Variants in TYRO3 observed in about 807,000 individuals in gnomAD.
The protein encoded by TYRO3 is tyrosine-protein kinase receptor TYRO3.
Under a neutral mutation model 95.2 loss-of-function variants are expected in TYRO3, and 38 were observed. The ratio of observed to expected loss-of-function variants is 0.40; its 90% confidence interval spans 0.31 to 0.52. The LOEUF (loss-of-function observed/expected upper bound fraction) is 0.52. Ranked by LOEUF, TYRO3 falls within the 20% of genes least tolerant of loss-of-function variation. The probability of loss-of-function intolerance (pLI) is 0.56; values close to 1 mark genes in which losing one functional copy is unlikely to be tolerated. For missense variants in TYRO3, 812 were observed against 1,116.4 expected, an observed-to-expected ratio of 0.73 and a Z score of 3.89; for synonymous variants, 367 against 432.9, an observed-to-expected ratio of 0.85 and a Z score of 1.89.
rs1269257045 is a variant in TYRO3, at chr15:41,579,714, G to T, written c.*1438G>T. Reference sequence around the variant, plus strand: ...CAAAGATGAAAGATTTTTATAGAGAGAAAAGTCTGGAAAGACATATGCCAA... The same window carrying T: ...CAAAGATGAAAGATTTTTATAGAGATAAAAGTCTGGAAAGACATATGCCAA... On this transcript the variant is annotated 3_prime_UTR_variant, in exon 19 of 19. Transcript: ENST00000263798. The T allele has an allele frequency of 2.0e-5, 3 of 149,852 alleles. No homozygotes were observed. Among genetic ancestry groups the T allele is most frequent in the Admixed American group, 1.3e-4 (2 of 15,006 alleles). 9.3% of individuals were successfully genotyped at this position (149,852 alleles called of 1,614,324 possible).
Position 41,561,178 on chromosome 15 carries a change from CG to C in TYRO3, c.178del (p.Val60Ter). Reference protein sequence around the residue: ...PVKLTVSQGQPVKLNCSVEGM... With the variant: ...PVKLTVSQGQXVKLNCSVEGM... ...AAGCTGACAGTGTCTCAGGGGCAGCCGGTGAAGCTCAACTGCAGTGTGGAGG... is the reference window on the plus strand; with the variant it reads ...AAGCTGACAGTGTCTCAGGGGCAGCCGTGAAGCTCAACTGCAGTGTGGAGG... On this transcript the variant is annotated frameshift_variant, in exon 2 of 19. Coordinates refer to ENST00000263798, the MANE Select transcript of TYRO3 (RefSeq NM_006293.4). LOFTEE classifies it high-confidence loss of function. 1 of 1,614,214 alleles carries C rather than the reference CG, an allele frequency of 6.2e-7. No homozygotes were observed. The highest frequency in any genetic ancestry group is 8.5e-7 in the Non-Finnish European group (1 of 1,180,038).
intron 6 of TYRO3, 52 bp from the exon 7 acceptor site, chr15:41,567,308 T>G (rs979226229): frequency 4.3e-6 from 6 of 1,399,688 alleles, no homozygotes; most frequent in Non-Finnish European, 5.6e-6. Flanking sequence ...CATCCCATCT[T>G]CCATCTCTCA....
rs768932378 is a variant in TYRO3 at position 41,568,352 on chromosome 15, A to G, written c.1097A>G (p.Asn366Ser). 1.9e-6 allele frequency: 3 copies of G among 1,613,720 alleles called. No individual in the cohort carries two copies. The Admixed American group carries it at 5.0e-5, about 27-fold the overall frequency. Reference protein sequence around the residue: ...GPYKLSWVQDNGTQDELTVEG... With the variant: ...GPYKLSWVQDSGTQDELTVEG... ...TACAAACTGTCCTGGGTTCAAGACAATGGAACCCAGGTAAGACAGAACCCT... is the reference window on the plus strand; with the variant it reads ...TACAAACTGTCCTGGGTTCAAGACAGTGGAACCCAGGTAAGACAGAACCCT... The change falls in exon 8 of 19, where the codon AAT (asparagine) becomes AGT (serine). Residue 366 changes from asparagine to serine, a missense_variant. Transcript: ENST00000263798.
chr15:41,573,545 G>C, intron 17 of TYRO3, 78 bp downstream of exon 17: 1 of 1,570,730 alleles, frequency 6.4e-7, no homozygotes, highest in Non-Finnish European at 8.7e-7. Context: ...GCCTAGCCAA[G>C]TCTGCTCTCT....
At position 41,570,584 on chromosome 15, in the gene TYRO3, C is replaced by T. The variant is rs766688232; in HGVS notation, c.1484-20C>T. 2 of 1,612,880 alleles carry T rather than the reference C, an allele frequency of 1.2e-6. No individual in the cohort carries two copies. The highest frequency in any genetic ancestry group is 1.3e-5 in the African/African-American group (1 of 74,856). ...TCAGGAATCAGAGATCCCTCTTTCC[C>T]ACAAACCCTTTCCCCACAGTGGACA... On this transcript the variant is annotated intron_variant, in intron 11 of 18. Coordinates refer to ENST00000263798, the MANE Select transcript of TYRO3 (RefSeq NM_006293.4).
Position 41,573,775 on chromosome 15 carries a change from G to A in TYRO3, c.2242G>A (p.Gly748Arg), listed in dbSNP as rs1664006369. ...TGAGATTTACAACTACCTCATTGGC[G>A]GGAACCGCCTGAAACAGCCTCCGGA... The part of the protein sequence containing the change: ...NAEIYNYLIG[G>R]NRLKQPPECM... Residue 748 changes from glycine (G) to arginine (R), a missense_variant, in exon 18 of 19, where the codon GGG (glycine) becomes AGG (arginine). Transcript: ENST00000263798. 6.2e-6 allele frequency: 10 copies of A among 1,614,148 alleles called. No homozygotes were observed. Among genetic ancestry groups the A allele is most frequent in the African/African-American group, 4.0e-5 (3 of 74,960 alleles).
chr15:41,564,138 A>G, intron 4 of TYRO3, 46 bp from the exon 5 acceptor site: 1 of 1,552,104 alleles, frequency 6.4e-7, no homozygotes, highest in Non-Finnish European at 8.9e-7. Flanking sequence ...TCCCGCACTG[A>G]GTGGGGTTGC....
Position 41,581,370 on chromosome 15 carries a change from G to T in TYRO3, c.*3094G>T, listed in dbSNP as rs1241348849. 6.5e-6 allele frequency: 1 copy of T among 153,278 alleles called. No homozygotes were observed. The highest frequency in any genetic ancestry group is 1.5e-5 in the Non-Finnish European group (1 of 68,046). 9.5% of individuals were successfully genotyped at this position (153,278 alleles called of 1,614,324 possible). A position where few individuals can be genotyped will look rare whatever the true frequency, so the allele number is the denominator to read the frequency against. On this transcript the variant is annotated 3_prime_UTR_variant, in exon 19 of 19. Transcript: ENST00000263798. ...GGCTGCTTCTGAAAGCAAATATCCT[G>T]AAAAACCTGTTGCTGGTACTCCAAA...
At chr15:41,566,320 TAAAAAAAA>T (rs57924730) in intron 6 of TYRO3, among the ~76,000 whole-genome samples, 2 of 40,952 alleles carry the variant, frequency 4.9e-5, no homozygotes, top group East Asian at 1.0e-3. Context: ...CTGTCTCTAT[TAAAAAAAA>T]AAAAAAAAAA....
intron 6 of TYRO3, among the ~76,000 whole-genome samples, chr15:41,565,748 G>A (rs916996846): frequency 2.0e-5 from 3 of 151,840 alleles, no homozygotes; most frequent in African/African-American, 7.3e-5. Context: ...TTACTTAGGT[G>A]AAAGCTCAAA....
At chr15:41,570,951 T>C in intron 12 of TYRO3, 87 bp from the exon 13 acceptor site, 1 of 1,424,324 alleles carries the variant, frequency 7.0e-7, no homozygotes, top group South Asian at 1.2e-5. Flanking sequence ...GTCTGCTGAC[T>C]GTGTTCCCAT....
At chr15:41,559,532 G>A in intron 1 of TYRO3, 151 bp downstream of exon 1, 2 of 295,402 alleles carry the variant, frequency 6.8e-6, no homozygotes, top group Non-Finnish European at 1.2e-5. Context: ...GGCACGCTGC[G>A]GAGTGCTCGC....
chr15:41,570,084 T>C lies in TYRO3; in HGVS notation c.1310T>C (p.Leu437Pro), dbSNP rs746924422. The C allele has an allele frequency of 3.7e-6, 6 of 1,614,044 alleles. No individual in the cohort carries two copies. The South Asian group carries it at 6.6e-5, about 18-fold the overall frequency. The stretch of plus-strand genomic sequence containing the variant: ...TGGGTACCTGTGGTCCTTGGTGTGC[T>C]AACGGCCCTGGTGACGGCTGCTGCC... Reference protein sequence around the residue: ...TSWVPVVLGVLTALVTAAALA... With the variant: ...TSWVPVVLGVPTALVTAAALA... Residue 437 changes from leucine (L) to proline (P), a missense_variant, in exon 10 of 19, where the codon CTA becomes CCA. By Grantham distance (98) the Leu-to-Pro change is moderately conservative. Transcript: ENST00000263798.
At position 41,568,202 on chromosome 15, in the gene TYRO3, T is replaced by C. The variant is rs1245267986; in HGVS notation, c.962-15T>C. 3 of 1,600,086 alleles carry C rather than the reference T, an allele frequency of 1.9e-6. No individual in the cohort carries two copies. The highest frequency in any genetic ancestry group is 1.7e-5 in the Admixed American group (1 of 59,810). On this transcript the variant is annotated splice_polypyrimidine_tract_variant and intron_variant, in intron 7 of 18. Transcript: ENST00000263798. Reference sequence around the variant, plus strand: ...AAGGGCAGGGGTCTTAGCAATCTTCTCTCTTTGGCTGCAGCCCCAGCCAGC... The same window carrying C: ...AAGGGCAGGGGTCTTAGCAATCTTCCCTCTTTGGCTGCAGCCCCAGCCAGC...
chr15:41,572,602 G>C (rs1240769548), intron 15 of TYRO3, 38 bp downstream of exon 15: 2 of 1,240,408 alleles, frequency 1.6e-6, no homozygotes, highest in East Asian at 2.3e-5. Flanking sequence ...GAGGAAACGG[G>C]TGGGAACACA....
At position 41,562,653 on chromosome 15, in the gene TYRO3, T is replaced by A; in HGVS notation, c.515T>A (p.Val172Asp). 1.2e-6 allele frequency: 2 copies of A among 1,614,172 alleles called. No individual in the cohort carries two copies. Among genetic ancestry groups the A allele is most frequent in the Non-Finnish European group, 1.7e-6 (2 of 1,180,044 alleles). The change falls in exon 4 of 19, where the codon GTC becomes GAC. Residue 172 changes from valine (V) to aspartate (D), a missense_variant. Transcript: ENST00000263798. Reference protein sequence around the residue: ...AVGPPEPVTIVWWRGTTKIGG... With the variant: ...AVGPPEPVTIDWWRGTTKIGG... ...GGTCCCCCTGAACCTGTTACCATTGTCTGGTGGAGAGGAACTACGAAGATC... is the reference window on the plus strand; with the variant it reads ...GGTCCCCCTGAACCTGTTACCATTGACTGGTGGAGAGGAACTACGAAGATC...
In TYRO3 at chr15:41,565,533, C is replaced by G. The variant is rs139628116; in HGVS notation, c.783+392C>G. On this transcript the variant is annotated intron_variant, in intron 6 of 18. Coordinates refer to ENST00000263798, the MANE Select transcript of TYRO3 (RefSeq NM_006293.4). ...AAGTGATTCTCCTGCCTCAGCCTCCCCAGCAGCTAGGATTAGGATTACAGT... is the reference window on the plus strand; with the variant it reads ...AAGTGATTCTCCTGCCTCAGCCTCCGCAGCAGCTAGGATTAGGATTACAGT... Among the ~76,000 whole-genome samples, 857 of 151,968 alleles carry G rather than the reference C, an allele frequency of 5.6e-3. 8 individuals are homozygous for G. The highest frequency in any genetic ancestry group is 9.0e-3 in the Non-Finnish European group (612 of 67,936).
intron 3 of TYRO3, 84 bp from the exon 4 acceptor site, chr15:41,562,464 C>A: frequency 7.3e-7 from 1 of 1,371,382 alleles, no homozygotes. Context: ...GCGTGGAGGA[C>A]TTCAGATGTA....
rs534867062 is a variant in TYRO3 at position 41,559,295 on chromosome 15, C to CGCCGCT, written c.50_55dup (p.Leu17_Pro18dup). 18 of 599,400 alleles carry CGCCGCT rather than the reference C, an allele frequency of 3.0e-5. No individual in the cohort carries two copies. Among genetic ancestry groups the CGCCGCT allele is most frequent in the East Asian group, 4.5e-5 (1 of 22,228 alleles). 37.1% of individuals were successfully genotyped at this position (599,400 alleles called of 1,614,324 possible). A position where few individuals can be genotyped will look rare whatever the true frequency, so the allele number is the denominator to read the frequency against. On this transcript the variant is annotated inframe_insertion, in exon 1 of 19. Transcript: ENST00000263798. The stretch of plus-strand genomic sequence containing the variant: ...CGGAGCATGGGGCGGCCGGGGCTCC[C>CGCCGCT]GCCGCTGCCGCTGCCGCCGCCACCG...
Sources: allele counts gnomAD v4.1 joint callset (sites outside exome capture counted in the v4.1 genomes callset), GRCh38; gene constraint gnomAD v4.1.1; transcripts MANE v1.5; gene names NCBI Gene and HGNC (gene_info 2026-07-23, HGNC 2026-07-21).